TAF1: variants seen among roughly 807,000 people sequenced by gnomAD.
The protein encoded by TAF1 is TATA-box binding protein associated factor 1, also known as transcription initiation factor TFIID subunit 1.
TAF1 carries 2 observed loss-of-function variants against 138.5 expected under a neutral mutation model. That is an observed-to-expected ratio of 0.01 (90% CI 0.01 to 0.05). The LOEUF is 0.05. Among genes scored for constraint, TAF1 ranks in the 10% least tolerant of loss-of-function variants. The pLI, the probability that TAF1 is intolerant of heterozygous loss-of-function variation, is 1.00. For missense variants in TAF1, 709 were observed against 1,478.0 expected, an observed-to-expected ratio of 0.48 and a Z score of 8.53; for synonymous variants, 437 against 503.2, an observed-to-expected ratio of 0.87 and a Z score of 1.76.
At chrX:71,402,266 C>A (rs1474337281) in intron 25 of TAF1, among the ~76,000 whole-genome samples, 1 of 111,682 alleles carries the variant, frequency 9.0e-6, no homozygotes, top group African/African-American at 3.3e-5. Context: ...CGCCACCACG[C>A]CCGGCTAATT....
chrX:71,477,566 G>A (rs2039000807), intron 13 of TAF1, among the ~76,000 whole-genome samples: 1 of 111,592 alleles, frequency 9.0e-6, no homozygotes, highest in African/African-American at 3.3e-5. Flanking sequence ...CTAAGTGCTG[G>A]GATCATAGGT....
intron 13 of TAF1, among the ~76,000 whole-genome samples, chrX:71,509,985 A>G (rs2039702318): frequency 9.1e-6 from 1 of 109,527 alleles, no homozygotes; most frequent in East Asian, 2.8e-4. Flanking sequence ...TCTCAAAATA[A>G]TAATAATAAT....
At chrX:71,523,976 A>C (rs1602115073) in intron 13 of TAF1, among the ~76,000 whole-genome samples, 2 of 110,042 alleles carry the variant, frequency 1.8e-5, no homozygotes, top group African/African-American at 6.6e-5. Context: ...AGTAGTTTAA[A>C]TGTCTGCATC....
chrX:71,393,177 T>C (rs2034657911), intron 20 of TAF1, 124 bp from the exon 21 acceptor site: 1 of 1,087,785 alleles, frequency 9.2e-7, no homozygotes. Context: ...TTTTCTTTTT[T>C]GGTCTAACTG....
chrX:71,397,179 C>T, intron 22 of TAF1, 74 bp from the exon 23 acceptor site: 1 of 1,061,689 alleles, frequency 9.4e-7, no homozygotes. Flanking sequence ...TTTGATAGCT[C>T]CACTCAATCC....
intron 2 of TAF1, 62 bp from the exon 3 acceptor site, chrX:71,367,992 G>C: frequency 9.1e-7 from 1 of 1,101,210 alleles, no homozygotes; most frequent in Non-Finnish European, 1.3e-6. Context: ...TTTTAAATGG[G>C]AATTATCTGA....
chrX:71,379,080 G>T, intron 8 of TAF1, 49 bp downstream of exon 8: 1 of 922,919 alleles, frequency 1.1e-6, no homozygotes, highest in Non-Finnish European at 1.5e-6. Flanking sequence ...CTTAATCTTA[G>T]TCACCATAAG....
chrX:71,515,759 G>A (rs981951536), intron 13 of TAF1, among the ~76,000 whole-genome samples: 5 of 111,204 alleles, frequency 4.5e-5, no homozygotes, highest in Admixed American at 3.9e-4. Flanking sequence ...CCCTCATCCC[G>A]GTGTATACAT....
intron 13 of TAF1, among the ~76,000 whole-genome samples, chrX:71,525,110 T>C (rs193136179): frequency 0.033 from 3,600 of 109,618 alleles, 153 homozygotes; most frequent in African/African-American, 0.11. Flanking sequence ...GGTGTGATCT[T>C]GGCTCACTGC....
intron 12 of TAF1, among the ~76,000 whole-genome samples, 153 bp from the exon 13 acceptor site, chrX:71,383,809 T>A (rs2148295712): frequency 8.9e-6 from 1 of 112,305 alleles, no homozygotes. Context: ...GACTGTACTA[T>A]TCTTTGAACT....
chrX:71,390,693 T>A (rs1319307735), intron 18 of TAF1, among the ~76,000 whole-genome samples: 6 of 111,469 alleles, frequency 5.4e-5, no homozygotes, highest in African/African-American at 2.0e-4. Context: ...ATAGTTTAAA[T>A]TTTTTGTAGA....
chrX:71,429,365 T>G (rs1472790999), intron 32 of TAF1, among the ~76,000 whole-genome samples: 1 of 111,171 alleles, frequency 9.0e-6, no homozygotes, highest in Non-Finnish European at 1.9e-5. Flanking sequence ...AATAACTACT[T>G]ATTGAGCACC....
At chrX:71,525,066 A>G (rs891682500) in intron 13 of TAF1, among the ~76,000 whole-genome samples, 5 of 110,282 alleles carry the variant, frequency 4.5e-5, no homozygotes, top group Admixed American at 2.9e-4. Context: ...TTTGAGACAG[A>G]GTTTCACTCT....
chrX:71,371,260 C>G (rs1473995310), intron 3 of TAF1, among the ~76,000 whole-genome samples: 1 of 111,684 alleles, frequency 9.0e-6, no homozygotes, highest in Non-Finnish European at 1.9e-5. Flanking sequence ...GTGCCTTCAC[C>G]TATACCCTTA....
intron 32 of TAF1, among the ~76,000 whole-genome samples, chrX:71,437,378 G>C (rs2037194786): frequency 1.8e-5 from 2 of 110,029 alleles, no homozygotes; most frequent in African/African-American, 6.6e-5. Context: ...TGAATAATAA[G>C]GGTCTTTTTT....
Position 71,377,060 on chromosome X carries a change from C to T in TAF1, c.583C>T (p.Pro195Ser), listed in dbSNP as rs2033528680. The T allele has an allele frequency of 8.3e-7, 1 of 1,209,609 alleles. No homozygotes were observed. The highest frequency in any genetic ancestry group is 1.1e-6 in the Non-Finnish European group (1 of 895,231). The change falls in exon 5 of 38, where the codon CCT becomes TCT. Residue 195 changes from proline to serine, a missense_variant. By Grantham distance (74) the Pro-to-Ser change is moderately conservative. Coordinates refer to ENST00000423759, the MANE Select transcript of TAF1 (RefSeq NM_004606.5). The part of the protein sequence containing the change: ...SSSDSESEMG[P>S]QEATQAESED... ...CTCTGACTCAGAATCTGAGATGGGACCTCAGGAAGCAACACAGGCAGAATC... is the reference window on the plus strand; with the variant it reads ...CTCTGACTCAGAATCTGAGATGGGATCTCAGGAAGCAACACAGGCAGAATC...
chrX:71,506,549 G>A (rs1385174604), intron 13 of TAF1, among the ~76,000 whole-genome samples: 11 of 108,104 alleles, frequency 1.0e-4, no homozygotes, highest in African/African-American at 3.7e-4. Context: ...AAAAAAAGTA[G>A]CCGGGCATGG....
chrX:71,424,891 C>G (rs750459572), intron 32 of TAF1, among the ~76,000 whole-genome samples: 1 of 112,333 alleles, frequency 8.9e-6, no homozygotes, highest in Admixed American at 9.4e-5. Context: ...TCCCAAAGTG[C>G]TGGGATTACA....
chrX:71,459,064 G>A, intron 35 of TAF1: 2 of 681,148 alleles, frequency 2.9e-6, no homozygotes, highest in Non-Finnish European at 4.1e-6. Context: ...TATCAGGGAG[G>A]AGCATCCACC....
Sources: allele counts gnomAD v4.1 joint callset (sites outside exome capture counted in the v4.1 genomes callset), GRCh38; gene constraint gnomAD v4.1.1; transcripts MANE v1.5; gene names NCBI Gene and HGNC (gene_info 2026-07-23, HGNC 2026-07-21).